Variants in PPP1R9B observed in about 807,000 individuals in gnomAD.
PPP1R9B encodes neurabin-2.
Under a neutral mutation model 75.8 loss-of-function variants are expected in PPP1R9B, and 17 were observed. The ratio of observed to expected loss-of-function variants is 0.22; its 90% CI spans 0.15 to 0.34. PPP1R9B has a LOEUF of 0.34. Among genes scored for constraint, PPP1R9B ranks in the 10% least tolerant of loss-of-function variants. The pLI, the probability that PPP1R9B is intolerant of heterozygous loss-of-function variation, is 1.00. For missense variants in PPP1R9B, 875 were observed against 1,196.0 expected (o/e 0.73, Z 3.96); for synonymous variants, 509 against 535.4 (o/e 0.95, Z 0.68).
chr17:50,145,028 G>A, intron 2 of PPP1R9B, 85 bp downstream of exon 2: 2 of 1,507,990 alleles, frequency 1.3e-6, no homozygotes, highest in South Asian at 1.2e-5. Flanking sequence ...GAGCCCCTGA[G>A]GGCACAGGGC....
chr17:50,137,145 C>G (rs1194333618), intron 7 of PPP1R9B: 2 of 152,322 alleles, frequency 1.3e-5, no homozygotes, highest in African/African-American at 4.8e-5. Flanking sequence ...AGTTATTTCC[C>G]TCTAGCTCAC....
chr17:50,136,406 T>C (rs1391247103), intron 7 of PPP1R9B, among the ~76,000 whole-genome samples: 1 of 151,978 alleles, frequency 6.6e-6, no homozygotes, highest in Non-Finnish European at 1.5e-5. Context: ...CCCACCAGAC[T>C]CCCTGTCACT....
Position 50,139,464 on chromosome 17 carries a change from T to G in PPP1R9B, c.1984A>C (p.Met662Leu), listed in dbSNP as rs780876489. The stretch of plus-strand genomic sequence containing the variant: ...TTGTGCACCAGCTTCTCGGGCTCCA[T>G]GTCCACAGGGGACAGTGCATCCTCG... ...ENEDALSPVD[M>L]EPEKLVHKFK... Residue 662 changes from methionine to leucine, a missense_variant, in exon 6 of 10, where the codon ATG becomes CTG. Coordinates refer to ENST00000612501, the MANE Select transcript of PPP1R9B (RefSeq NM_032595.5). The surrounding 1 kb of genome is among the most constrained non-coding windows in gnomAD (Gnocchi z 5.0). 6.2e-7 allele frequency: 1 copy of G among 1,604,594 alleles called. No individual in the cohort carries two copies. Among genetic ancestry groups the G allele is most frequent in the Non-Finnish European group, 8.5e-7 (1 of 1,173,378 alleles).
In PPP1R9B at chr17:50,149,887, G is replaced by C; in HGVS notation, c.627C>G (p.Ser209Arg). Residue 209 changes from serine (S) to arginine (R), a missense_variant, in exon 1 of 10, where the codon AGC (serine) becomes AGG (arginine). Coordinates refer to ENST00000612501, the MANE Select transcript of PPP1R9B (RefSeq NM_032595.5). The surrounding 1 kb of genome is among the most constrained non-coding windows in gnomAD (Gnocchi z 7.2). ...CCTTCTCGAAGACGGCGCTGAGCTG[G>C]CTGACCGTGGGGGACACGGCGTCAG... Reference protein sequence around the residue: ...LDADAVSPTVSQLSAVFEKAD... With the variant: ...LDADAVSPTVRQLSAVFEKAD... 1 of 1,504,312 alleles carries C rather than the reference G, an allele frequency of 6.6e-7. No individual in the cohort carries two copies. Among genetic ancestry groups the C allele is most frequent in the Non-Finnish European group, 8.8e-7 (1 of 1,133,806 alleles). The allele number at this position is 1,504,312 out of a possible 1,614,324, so 93.2% of individuals were successfully genotyped here.
chr17:50,135,938 G>T, intron 8 of PPP1R9B, 30 bp downstream of exon 8: 5 of 1,419,246 alleles, frequency 3.5e-6, no homozygotes, highest in Non-Finnish European at 4.8e-6. Context: ...TGCTCCCTGG[G>T]CCCAGCCCGC....
At chr17:50,141,564 G>C (rs943081197) in intron 3 of PPP1R9B, among the ~76,000 whole-genome samples, 191 bp from the exon 4 acceptor site, 8 of 151,344 alleles carry the variant, frequency 5.3e-5, no homozygotes, top group Admixed American at 3.9e-4. Flanking sequence ...TTGGGAGGAT[G>C]AAGTGGGAGG....
At position 50,139,717 on chromosome 17, in the gene PPP1R9B, G is replaced by A. The variant is rs1197070460; in HGVS notation, c.1867-136C>T. 7.8e-6 allele frequency: 8 copies of A among 1,028,590 alleles called. No homozygotes were observed. The South Asian group carries it at 1.3e-4, about 17-fold the overall frequency. The allele number at this position is 1,028,590 out of a possible 1,614,324, so 63.7% of individuals were successfully genotyped here. ...TGGTTCATGCCTCCCACTTCAGCCT[G>A]AGGCTGGACCAGAGACACGGTTTAT... On this transcript the variant is annotated intron_variant, in intron 5 of 9. Transcript: ENST00000612501. This position sits in a 1 kb window ranked among gnomAD's most constrained non-coding sequence, Gnocchi z 5.0.
At chr17:50,141,201 C>T in intron 4 of PPP1R9B, 68 bp downstream of exon 4, 4 of 1,022,884 alleles carry the variant, frequency 3.9e-6, no homozygotes, top group South Asian at 1.4e-5. Context: ...GCTGTTAAGG[C>T]AGGTGAACGG....
intron 7 of PPP1R9B, among the ~76,000 whole-genome samples, chr17:50,137,904 C>T (rs575675643): frequency 3.3e-5 from 5 of 152,280 alleles, no homozygotes; most frequent in Admixed American, 2.6e-4. Context: ...TGCTTCTGCC[C>T]CAGCCATCCA....
At chr17:50,136,708 G>A (rs1399037660) in intron 7 of PPP1R9B, among the ~76,000 whole-genome samples, 1 of 151,992 alleles carries the variant, frequency 6.6e-6, no homozygotes, top group Non-Finnish European at 1.5e-5. Context: ...TGACCCCAGC[G>A]CAGACCTCCA....
At position 50,135,067 on chromosome 17, in the gene PPP1R9B, G is replaced by T; in HGVS notation, c.*264C>A. On this transcript the variant is annotated 3_prime_UTR_variant, in exon 10 of 10. Coordinates refer to ENST00000612501, the MANE Select transcript of PPP1R9B (RefSeq NM_032595.5). The stretch of plus-strand genomic sequence containing the variant: ...TCCGTCGACCACCAGGCCAGCCCTC[G>T]GCAGCCCTCGGCCTCTGTGCCTCAG... The T allele has an allele frequency of 1.9e-6, 1 of 535,704 alleles. No individual in the cohort carries two copies. The highest frequency in any genetic ancestry group is 3.4e-6 in the Non-Finnish European group (1 of 296,812). 33.2% of individuals were successfully genotyped at this position (535,704 alleles called of 1,614,324 possible).
chr17:50,139,676 G>C lies in PPP1R9B; in HGVS notation c.1867-95C>G. ...GGACCAGTTGCCCATGCCAGACAGAGAGCTACCCAGGAATGTGGTTCATGC... is the reference window on the plus strand; with the variant it reads ...GGACCAGTTGCCCATGCCAGACAGACAGCTACCCAGGAATGTGGTTCATGC... On this transcript the variant is annotated intron_variant, in intron 5 of 9. Transcript: ENST00000612501. The surrounding 1 kb of genome is among the most constrained non-coding windows in gnomAD (Gnocchi z 5.0). 4 of 1,390,000 alleles carry C rather than the reference G, an allele frequency of 2.9e-6. No homozygotes were observed. The highest frequency in any genetic ancestry group is 3.9e-6 in the Non-Finnish European group (4 of 1,031,054). The allele number at this position is 1,390,000 out of a possible 1,614,324, so 86.1% of individuals were successfully genotyped here. A position where few individuals can be genotyped will look rare whatever the true frequency, so the allele number is the denominator to read the frequency against.
Position 50,150,337 on chromosome 17 carries a change from A to C in PPP1R9B, c.177T>G (p.Ser59Arg). ...CCGTCGTGCCCATCTGCAGGAACAT[A>C]CTTTTGATGCGGTGGACGTTGGAGC... ...KYGSNVHRIK[S>R]MFLQMGTTAG... is the part of the protein sequence containing the mutation. Residue 59 changes from serine to arginine, a missense_variant, in exon 1 of 10, where the codon AGT (serine) becomes AGG (arginine). By Grantham distance (110) the Ser-to-Arg change is moderately radical. Coordinates refer to ENST00000612501, the MANE Select transcript of PPP1R9B (RefSeq NM_032595.5). The surrounding 1 kb of genome is among the most constrained non-coding windows in gnomAD (Gnocchi z 8.7). The C allele has an allele frequency of 1.4e-6, 2 of 1,444,068 alleles. No individual in the cohort carries two copies. The highest frequency in any genetic ancestry group is 1.8e-6 in the Non-Finnish European group (2 of 1,096,998). The allele number at this position is 1,444,068 out of a possible 1,614,324, so 89.5% of individuals were successfully genotyped here.
In PPP1R9B at chr17:50,141,234, G is replaced by A. The variant is rs906586646; in HGVS notation, c.1730+35C>T. 3.5e-6 allele frequency: 5 copies of A among 1,427,922 alleles called. No individual in the cohort carries two copies. In the African/African-American group the frequency reaches 4.3e-5, roughly 12 times the overall value. 88.5% of individuals were successfully genotyped at this position (1,427,922 alleles called of 1,614,324 possible). On this transcript the variant is annotated intron_variant, in intron 4 of 9. Coordinates refer to ENST00000612501, the MANE Select transcript of PPP1R9B (RefSeq NM_032595.5). ...CGGAGTGCCTGGACGAGGACCTCCT[G>A]CCCGCTCCCACGCCCCACCCCTCTG...
intron 1 of PPP1R9B, among the ~76,000 whole-genome samples, chr17:50,146,758 C>T (rs1912527830): frequency 6.6e-6 from 1 of 152,232 alleles, no homozygotes; most frequent in African/African-American, 2.4e-5. Context: ...TAGTCCAGGG[C>T]ACCAGGCCCA....
At chr17:50,144,075 C>T (rs949997184) in intron 2 of PPP1R9B, among the ~76,000 whole-genome samples, 1 of 152,104 alleles carries the variant, frequency 6.6e-6, no homozygotes, top group Non-Finnish European at 1.5e-5. Context: ...TGGTCTTCTC[C>T]CTCTCAGCCA....
intron 1 of PPP1R9B, among the ~76,000 whole-genome samples, chr17:50,146,978 C>G (rs1912533035): frequency 6.6e-6 from 1 of 152,186 alleles, no homozygotes; most frequent in African/African-American, 2.4e-5. Context: ...CTAGGAGACA[C>G]GGTCCCTTCA....
chr17:50,141,370 G>A lies in PPP1R9B; in HGVS notation c.1629C>T (p.Ile543=), dbSNP rs966148511. ...CCTCCACCAGGAGATCATTCACCTG[G>A]ATCCTAGCGGAGTGACATTGGTTAA... ...EGGAAHRDGR[I]QVNDLLVEVD... Residue 543 remains isoleucine (I), a synonymous_variant, in exon 4 of 10, where the codon ATC becomes ATT. Coordinates refer to ENST00000612501, the MANE Select transcript of PPP1R9B (RefSeq NM_032595.5). 1 of 1,573,322 alleles carries A rather than the reference G, an allele frequency of 6.4e-7. No individual in the cohort carries two copies. Among genetic ancestry groups the A allele is most frequent in the Non-Finnish European group, 8.6e-7 (1 of 1,159,366 alleles).
chr17:50,135,598 C>T lies in PPP1R9B; in HGVS notation c.2355G>A (p.Glu785=). ...KETAQRRVLE[E]SELARKEEMD... ...TCTCCTCCTTTCTGGCCAGCTCCGA[C>T]TCCTCCAGAACCCGACGCTGTGCAG... Residue 785 remains glutamate (E), a synonymous_variant, in exon 9 of 10, where the codon GAG becomes GAA. Transcript: ENST00000612501. 6.2e-7 allele frequency: 1 copy of T among 1,611,676 alleles called. No individual in the cohort carries two copies. The highest frequency in any genetic ancestry group is 8.5e-7 in the Non-Finnish European group (1 of 1,178,894).
Sources: allele counts gnomAD v4.1 joint callset (sites outside exome capture counted in the v4.1 genomes callset), GRCh38; gene constraint gnomAD v4.1.1; non-coding constraint Gnocchi (gnomAD v3.1); transcripts MANE v1.5; gene names NCBI Gene and HGNC (gene_info 2026-07-23, HGNC 2026-07-21).